The following ROBO2 variants were observed in gnomAD, a reference collection of about 807,000 sequenced individuals.
The protein encoded by ROBO2 is roundabout homolog 2.
ROBO2 carries 53 observed loss-of-function variants against 160.8 expected under a neutral mutation model. The observed-to-expected ratio is 0.33, with a 90% confidence interval of 0.26 to 0.41. The LOEUF (loss-of-function observed/expected upper bound fraction) is 0.41. Among genes scored for constraint, ROBO2 ranks in the 10% least tolerant of loss-of-function variants. ROBO2 has a pLI of 1.00. For missense variants in ROBO2, 1,577 were observed against 1,722.4 expected, an observed-to-expected ratio of 0.92 and a Z score of 1.49; for synonymous variants, 664 against 611.7, an observed-to-expected ratio of 1.09 and a Z score of -1.26.
At chr3:76,840,313 C>T (rs1169708448) in intron 2 of ROBO2, among the ~76,000 whole-genome samples, 1 of 151,670 alleles carries the variant, frequency 6.6e-6, no homozygotes, top group East Asian at 1.9e-4. Context: ...TTGTTCTCAT[C>T]AAAAATTATG....
chr3:76,656,021 A>G (rs540933094), intron 2 of ROBO2, among the ~76,000 whole-genome samples: 1 of 152,268 alleles, frequency 6.6e-6, no homozygotes, highest in Admixed American at 6.5e-5. Flanking sequence ...GTTTTAAATC[A>G]TATAGATTTA....
chr3:77,569,623 T>C (rs919455715), intron 13 of ROBO2, among the ~76,000 whole-genome samples: 1 of 152,030 alleles, frequency 6.6e-6, no homozygotes, highest in African/African-American at 2.4e-5. Context: ...ATCAGATACG[T>C]AATTTGCAAA....
chr3:77,413,199 A>C (rs780974046), intron 2 of ROBO2, among the ~76,000 whole-genome samples: 3 of 152,182 alleles, frequency 2.0e-5, no homozygotes, highest in Non-Finnish European at 4.4e-5. Context: ...CAAATAAAGA[A>C]AACATAATTG....
At chr3:77,058,515 T>C (rs886489481) in intron 1 of ROBO2, among the ~76,000 whole-genome samples, 1 of 152,026 alleles carries the variant, frequency 6.6e-6, no homozygotes, top group Non-Finnish European at 1.5e-5. Context: ...CACTAACATA[T>C]AGTTGCTTTT....
chr3:76,512,775 T>C (rs2081165133), intron 2 of ROBO2, among the ~76,000 whole-genome samples: 1 of 152,166 alleles, frequency 6.6e-6, no homozygotes, highest in African/African-American at 2.4e-5. Context: ...ATGTTTAGAC[T>C]TGGGTTCCAT....
At chr3:76,614,816 G>A (rs942780795) in intron 2 of ROBO2, among the ~76,000 whole-genome samples, 1 of 152,078 alleles carries the variant, frequency 6.6e-6, no homozygotes, top group Non-Finnish European at 1.5e-5. Context: ...GTTATTAACT[G>A]TACTAAATAA....
chr3:76,432,414 G>C (rs1382041013), intron 2 of ROBO2, among the ~76,000 whole-genome samples: 1 of 152,142 alleles, frequency 6.6e-6, no homozygotes, highest in Non-Finnish European at 1.5e-5. Flanking sequence ...GTGAGAGTTG[G>C]CCACCTCAGA....
chr3:77,543,036 T>A (rs1443475060), intron 6 of ROBO2, among the ~76,000 whole-genome samples: 1 of 152,030 alleles, frequency 6.6e-6, no homozygotes, highest in Non-Finnish European at 1.5e-5. Flanking sequence ...GTTCAGTGGG[T>A]CTCTGCCTTA....
chr3:76,770,423 A>T (rs1212801195), intron 2 of ROBO2, among the ~76,000 whole-genome samples: 2 of 151,288 alleles, frequency 1.3e-5, no homozygotes, highest in African/African-American at 4.8e-5. Context: ...TCAATTACAA[A>T]TTTATGAGAA....
chr3:76,880,894 G>T (rs1340927247), intron 2 of ROBO2, among the ~76,000 whole-genome samples: 1 of 152,142 alleles, frequency 6.6e-6, no homozygotes, highest in Non-Finnish European at 1.5e-5. Flanking sequence ...ATAGGAATTT[G>T]GAAAGAATCT....
chr3:76,905,144 C>T (rs1033578217), intron 2 of ROBO2, among the ~76,000 whole-genome samples: 5 of 152,024 alleles, frequency 3.3e-5, no homozygotes, highest in East Asian at 1.9e-4. Context: ...GTTAGATAAA[C>T]GAGTGGGAGT....
intron 17 of ROBO2, among the ~76,000 whole-genome samples, chr3:77,591,810 C>T (rs2094187064): frequency 6.6e-6 from 1 of 152,136 alleles, no homozygotes; most frequent in Admixed American, 6.5e-5. Flanking sequence ...CTTACAGCTT[C>T]AAGGCAAACA....
chr3:76,694,223 G>A (rs1429923531), intron 2 of ROBO2, among the ~76,000 whole-genome samples: 5 of 152,094 alleles, frequency 3.3e-5, no homozygotes, highest in Non-Finnish European at 7.3e-5. Context: ...AAATTAAATG[G>A]GCGTTTTTCT....
At chr3:76,311,695 A>G (rs2071597972) in intron 2 of ROBO2, among the ~76,000 whole-genome samples, 1 of 152,224 alleles carries the variant, frequency 6.6e-6, no homozygotes, top group African/African-American at 2.4e-5. Flanking sequence ...TCTCTAGTGC[A>G]AGAATATATG....
At chr3:76,281,320 AATTATT>A (rs1040351255) in intron 2 of ROBO2, among the ~76,000 whole-genome samples, 3 of 151,872 alleles carry the variant, frequency 2.0e-5, no homozygotes, top group Non-Finnish European at 2.9e-5. Context: ...ATGATTCCAT[AATTATT>A]ATTCTGCAAC....
intron 2 of ROBO2, among the ~76,000 whole-genome samples, chr3:76,071,692 T>C (rs1032647010): frequency 3.3e-5 from 5 of 152,130 alleles, no homozygotes; most frequent in South Asian, 2.1e-4. Context: ...AGGAATGATA[T>C]TGTCATTTAA....
At chr3:76,990,236 T>A (rs2060593433) in intron 2 of ROBO2, among the ~76,000 whole-genome samples, 1 of 152,204 alleles carries the variant, frequency 6.6e-6, no homozygotes, top group Non-Finnish European at 1.5e-5. Flanking sequence ...CCTTAGCTTT[T>A]CTTAGCTGGT....
At chr3:77,434,549 T>G (rs1039079400) in intron 2 of ROBO2, among the ~76,000 whole-genome samples, 1 of 152,136 alleles carries the variant, frequency 6.6e-6, no homozygotes, top group African/African-American at 2.4e-5. Context: ...TGTTAGATAT[T>G]TATTGTTGTC....
intron 2 of ROBO2, among the ~76,000 whole-genome samples, chr3:77,127,704 A>G (rs746715942): frequency 6.6e-6 from 1 of 152,278 alleles, no homozygotes; most frequent in Middle Eastern, 3.4e-3. Context: ...TTTCCTAATC[A>G]GGAAAATTAA....
Sources: allele counts gnomAD v4.1 joint callset (sites outside exome capture counted in the v4.1 genomes callset), GRCh38; gene constraint gnomAD v4.1.1; transcripts MANE v1.5; gene names NCBI Gene and HGNC (gene_info 2026-07-23, HGNC 2026-07-21).